ALB: variants seen among roughly 807,000 people sequenced by gnomAD.
ALB encodes the protein serum albumin.
A neutral mutation model predicts 74.5 loss-of-function variants in ALB; 37 were observed. That is an observed-to-expected ratio of 0.50 (90% CI 0.38 to 0.65). The LOEUF (loss-of-function observed/expected upper bound fraction) is 0.65. ALB is among the 30% of genes least tolerant of loss of function. The pLI, the probability that ALB is intolerant of heterozygous loss-of-function variation, is 0.00. For synonymous variants in ALB, 249 were observed against 251.6 expected, an observed-to-expected ratio of 0.99 and a Z score of 0.10; for missense variants, 685 against 718.7, an observed-to-expected ratio of 0.95 and a Z score of 0.54.
Position 73,408,946 on chromosome 4 carries a change from T to C in ALB, c.482+141T>C, listed in dbSNP as rs1160702949. On this transcript the variant is annotated intron_variant, in intron 4 of 14. Coordinates refer to ENST00000295897, the MANE Select transcript of ALB (RefSeq NM_000477.7). ...TTGTTATGATGATTTTTTAAAGAAG[T>C]AGTATTTGATACCACAAAATTCTAC... The C allele has an allele frequency of 3.3e-5, 25 of 757,314 alleles. No individual in the cohort carries two copies. In the East Asian group the frequency reaches 6.0e-4, roughly 18 times the overall value. The allele number at this position is 757,314 out of a possible 1,614,324, so 46.9% of individuals were successfully genotyped here.
chr4:73,417,969 C>T, intron 11 of ALB, 119 bp from the exon 12 acceptor site: 2 of 971,524 alleles, frequency 2.1e-6, no homozygotes, highest in Non-Finnish European at 3.2e-6. Flanking sequence ...CTGCCTCAGC[C>T]TCCCAAGTAG....
chr4:73,413,130 G>A (rs1718921627), intron 7 of ALB: 1 of 345,444 alleles, frequency 2.9e-6, no homozygotes, highest in Non-Finnish European at 5.4e-6. Context: ...TGGAAAAACA[G>A]CATTGAGTTT....
chr4:73,411,299 G>C (rs1157248032), intron 6 of ALB, among the ~76,000 whole-genome samples: 1 of 152,018 alleles, frequency 6.6e-6, no homozygotes, highest in Non-Finnish European at 1.5e-5. Flanking sequence ...ATTGGTTTTG[G>C]GAAAGAAGTC....
At chr4:73,419,326 T>C in intron 12 of ALB, 181 bp from the exon 13 acceptor site, 1 of 643,278 alleles carries the variant, frequency 1.6e-6, no homozygotes. Context: ...ATTATCCTCA[T>C]CATGCAGATG....
chr4:73,415,263 C>A, intron 9 of ALB, 96 bp downstream of exon 9: 1 of 1,400,086 alleles, frequency 7.1e-7, no homozygotes, highest in Non-Finnish European at 1.0e-6. Context: ...ATATACAGTG[C>A]AATTTAGATC....
chr4:73,419,780 A>G, intron 13 of ALB, 141 bp downstream of exon 13: 4 of 1,084,098 alleles, frequency 3.7e-6, no homozygotes, highest in Non-Finnish European at 5.4e-6. Flanking sequence ...TTGTCTTACA[A>G]AATGAATAAA....
At chr4:73,415,990 T>C (rs541709146) in intron 9 of ALB, among the ~76,000 whole-genome samples, 17 of 152,292 alleles carry the variant, frequency 1.1e-4, no homozygotes, top group Non-Finnish European at 2.2e-4. Context: ...GTAAGTAAAA[T>C]TGCACAACTG....
At chr4:73,415,460 TA>T (rs1372705000) in intron 9 of ALB, 4 of 339,124 alleles carry the variant, frequency 1.2e-5, no homozygotes, top group African/African-American at 8.5e-5. Flanking sequence ...AAATGTTAAT[TA>T]GAAGATATTT....
At chr4:73,420,938 A>G in intron 14 of ALB, 154 bp from the exon 15 acceptor site, 1 of 518,452 alleles carries the variant, frequency 1.9e-6, no homozygotes, top group Non-Finnish European at 3.4e-6. Context: ...CAACAGAAGA[A>G]TTCAGCAGCC....
intron 13 of ALB, 81 bp downstream of exon 13, chr4:73,419,720 A>G (rs1299524121): frequency 3.3e-6 from 5 of 1,524,614 alleles, no homozygotes; most frequent in Non-Finnish European, 4.5e-6. Flanking sequence ...GGATTTATAT[A>G]TCAAAGGAGG....
In ALB at chr4:73,408,785, T is replaced by C. The variant is rs1560855270; in HGVS notation, c.462T>C (p.Asn154=). Residue 154 remains asparagine, a synonymous_variant, in exon 4 of 15, where the codon AAT becomes AAC. Transcript: ENST00000295897. ...TGATGTGCACTGCTTTTCATGACAA[T>C]GAAGAGACATTTTTGAAAAAGTAAG... ...VDVMCTAFHD[N]EETFLKKYLY... 3 of 1,613,542 alleles carry C rather than the reference T, an allele frequency of 1.9e-6. No individual in the cohort carries two copies. In the African/African-American group the frequency reaches 4.0e-5, roughly 22 times the overall value.
intron 12 of ALB, 192 bp from the exon 13 acceptor site, chr4:73,419,310 GATTTT>G: frequency 1.6e-6 from 1 of 606,162 alleles, no homozygotes; most frequent in Non-Finnish European, 2.8e-6. Flanking sequence ...CATGAAAGTG[GATTTT>G]ATTATCCTCA....
chr4:73,413,423 G>C lies in ALB; in HGVS notation c.847G>C (p.Asp283His). The change falls in exon 8 of 15, where the codon GAC becomes CAC. Residue 283 changes from aspartate (D) to histidine (H), a missense_variant. Asp to His is a moderately conservative substitution (Grantham distance 81). Coordinates refer to ENST00000295897, the MANE Select transcript of ALB (RefSeq NM_000477.7). Reference protein sequence around the residue: ...DLLECADDRADLAKYICENQD... With the variant: ...DLLECADDRAHLAKYICENQD... Reference sequence around the variant, plus strand: ...ATTTCCACCAACTTACTTATAGGCGGACCTTGCCAAGTATATCTGTGAAAA... The same window carrying C: ...ATTTCCACCAACTTACTTATAGGCGCACCTTGCCAAGTATATCTGTGAAAA... 1 of 1,613,500 alleles carries C rather than the reference G, an allele frequency of 6.2e-7. No homozygotes were observed. Among genetic ancestry groups the C allele is most frequent in the South Asian group, 1.1e-5 (1 of 91,068 alleles).
In ALB at chr4:73,418,290, A is replaced by G. The variant is rs2149329669; in HGVS notation, c.1631A>G (p.Glu544Gly). 1.2e-6 allele frequency: 2 copies of G among 1,613,764 alleles called. No homozygotes were observed. The highest frequency in any genetic ancestry group is 3.3e-4 in the Middle Eastern group (2 of 6,062). Residue 544 changes from glutamate to glycine, a missense_variant, in exon 12 of 15, where the codon GAG becomes GGG. Glu to Gly is a moderately conservative substitution (Grantham distance 98). Transcript: ENST00000295897. The stretch of plus-strand genomic sequence containing the variant: ...GATATATGCACACTTTCTGAGAAGG[A>G]GAGACAAATCAAGAAACAAACGTGA... ...HADICTLSEK[E>G]RQIKKQTALV...
At chr4:73,411,906 G>T in intron 6 of ALB, 90 bp from the exon 7 acceptor site, 1 of 1,532,560 alleles carries the variant, frequency 6.5e-7, no homozygotes, top group East Asian at 2.3e-5. Context: ...TGTCCATTTT[G>T]AATTTTCTTA....
intron 8 of ALB, among the ~76,000 whole-genome samples, chr4:73,414,737 G>A (rs1325498641): frequency 6.6e-6 from 1 of 152,168 alleles, no homozygotes; most frequent in African/African-American, 2.4e-5. Context: ...TTACAGGCAT[G>A]AGCCACTGTG....
In ALB at chr4:73,416,329, T is replaced by G; in HGVS notation, c.1265T>G (p.Leu422Arg). ...CAAAATTGTGAGCTTTTTGAGCAGC[T>G]TGGAGAGTACAAATTCCAGAATGCG... is the stretch of plus-strand genomic sequence containing the variant. ...IKQNCELFEQ[L>R]GEYKFQNALL... Residue 422 changes from leucine (L) to arginine (R), a missense_variant, in exon 10 of 15, where the codon CTT becomes CGT. Leu to Arg is a moderately radical substitution (Grantham distance 102). Coordinates refer to ENST00000295897, the MANE Select transcript of ALB (RefSeq NM_000477.7). 6.2e-7 allele frequency: 1 copy of G among 1,613,626 alleles called. No homozygotes were observed. Among genetic ancestry groups the G allele is most frequent in the African/African-American group, 1.3e-5 (1 of 75,046 alleles).
intron 2 of ALB, among the ~76,000 whole-genome samples, chr4:73,406,122 G>A (rs187347277): frequency 2.0e-5 from 3 of 152,148 alleles, no homozygotes; most frequent in Non-Finnish European, 2.9e-5. Context: ...AATTAGGCAT[G>A]GTGGCACATG....
At position 73,416,591 on chromosome 4, in the gene ALB, A is replaced by G. The variant is rs563112525; in HGVS notation, c.1289+238A>G. ...TTGGAAGTATGTAGGCTGGGAGGGT[A>G]AATACCAAATCTTGGTATATCAGAA... On this transcript the variant is annotated intron_variant, in intron 10 of 14. Transcript: ENST00000295897. 5.9e-5 allele frequency among the ~76,000 whole-genome samples: 9 copies of G among 152,272 alleles called. 1 individual carries two copies. The East Asian group carries it at 1.7e-3, about 29-fold the overall frequency.
Sources: gnomAD v4.1 joint callset for allele counts (sites outside exome capture counted in the v4.1 genomes callset) on GRCh38, gnomAD v4.1.1 for gene constraint, MANE v1.5 for transcripts, NCBI Gene and HGNC (gene_info 2026-07-23, HGNC 2026-07-21) for gene names.